The following XPNPEP1 variants were observed in gnomAD, a reference collection of about 807,000 sequenced individuals.
XPNPEP1 encodes X-prolyl aminopeptidase 1.
In XPNPEP1, 39 loss-of-function variants were observed where a neutral mutation model predicts 92.4. The observed-to-expected ratio is 0.42, with a 90% CI of 0.33 to 0.55. XPNPEP1 has a LOEUF of 0.55. XPNPEP1 is among the 20% of genes least tolerant of loss of function. XPNPEP1 has a pLI of 0.08. For synonymous variants in XPNPEP1, 307 were observed against 299.4 expected (o/e 1.03, Z -0.26); for missense variants, 654 against 856.1 (o/e 0.76, Z 2.95).
At chr10:109,918,375 C>T (rs1452777952) in intron 1 of XPNPEP1, among the ~76,000 whole-genome samples, 6 of 152,016 alleles carry the variant, frequency 3.9e-5, no homozygotes, top group Non-Finnish European at 8.8e-5. Context: ...GAGCTGTGAT[C>T]GCCCCACTGC....
intron 19 of XPNPEP1, among the ~76,000 whole-genome samples, chr10:109,869,598 G>A (rs902054778): frequency 5.9e-5 from 9 of 152,180 alleles, no homozygotes; most frequent in African/African-American, 2.2e-4. Context: ...CCTAGCAGAA[G>A]AGACAACAGG....
chr10:109,918,934 A>G (rs182234737), intron 1 of XPNPEP1, among the ~76,000 whole-genome samples: 102 of 151,964 alleles, frequency 6.7e-4, no homozygotes, highest in East Asian at 5.0e-3. Flanking sequence ...GAAAAAAGAA[A>G]AAGAACGAAA....
chr10:109,917,021 T>G (rs1850230289), intron 1 of XPNPEP1, among the ~76,000 whole-genome samples: 1 of 150,740 alleles, frequency 6.6e-6, no homozygotes, highest in South Asian at 2.1e-4. Context: ...TTCTTAATGC[T>G]GAAAGACTGA....
chr10:109,871,685 TG>T, intron 17 of XPNPEP1, 106 bp downstream of exon 17: 1 of 1,300,852 alleles, frequency 7.7e-7, no homozygotes, highest in Non-Finnish European at 1.1e-6. Flanking sequence ...TGAAGTGGGA[TG>T]GGGACCTCAC....
At chr10:109,869,059 T>C (rs1019056272) in intron 19 of XPNPEP1, among the ~76,000 whole-genome samples, 9 of 152,182 alleles carry the variant, frequency 5.9e-5, no homozygotes, top group African/African-American at 2.2e-4. Flanking sequence ...TTCTCCAGGA[T>C]GCAGGGGTGT....
At chr10:109,888,420 C>T in intron 6 of XPNPEP1, 83 bp downstream of exon 6, 1 of 1,403,480 alleles carries the variant, frequency 7.1e-7, no homozygotes, top group South Asian at 1.3e-5. Context: ...CAGTGCTCCA[C>T]ACCCCACAAG....
intron 10 of XPNPEP1, among the ~76,000 whole-genome samples, chr10:109,881,522 A>AAAAT (rs1219150888): frequency 1.3e-5 from 2 of 152,202 alleles, no homozygotes; most frequent in Non-Finnish European, 2.9e-5. Flanking sequence ...TGCTTTTGTG[A>AAAAT]TCTTATCTCC....
Position 109,891,715 on chromosome 10 carries a change from T to C in XPNPEP1, c.415+7A>G, listed in dbSNP as rs201098355. On this transcript the variant is annotated splice_region_variant and intron_variant, in intron 5 of 20. Coordinates refer to ENST00000502935, the MANE Select transcript of XPNPEP1 (RefSeq NM_020383.4). ...ACTAAGTTTGGGCTAGCCATGCCTG[T>C]ACCCACCCATCTTCATAAGTGTCCA... is the stretch of plus-strand genomic sequence containing the variant. 10 of 1,565,548 alleles carry C rather than the reference T, an allele frequency of 6.4e-6. No individual in the cohort carries two copies. Among genetic ancestry groups the C allele is most frequent in the South Asian group, 1.2e-5 (1 of 81,616 alleles).
chr10:109,878,636 C>T (rs1847910517), intron 12 of XPNPEP1, among the ~76,000 whole-genome samples: 1 of 152,114 alleles, frequency 6.6e-6, no homozygotes, highest in Admixed American at 6.5e-5. Flanking sequence ...ACCTATAATC[C>T]TAGCACTTTG....
Position 109,865,079 on chromosome 10 carries a change from G to A in XPNPEP1, c.*105C>T. The A allele has an allele frequency of 1.3e-6, 2 of 1,497,046 alleles. No homozygotes were observed. The highest frequency in any genetic ancestry group is 1.8e-5 in the Admixed American group (1 of 55,258). 92.7% of individuals were successfully genotyped at this position (1,497,046 alleles called of 1,614,324 possible). A position where few individuals can be genotyped will look rare whatever the true frequency, so the allele number is the denominator to read the frequency against. ...TCTTCTTAAAGTCTAAAGTAAAAAG[G>A]GGAGGTAGGGAAGAAGGAAAGGAAA... On this transcript the variant is annotated 3_prime_UTR_variant, in exon 21 of 21. Coordinates refer to ENST00000502935, the MANE Select transcript of XPNPEP1 (RefSeq NM_020383.4).
intron 14 of XPNPEP1, chr10:109,876,073 C>G (rs1323525611): frequency 6.5e-6 from 1 of 153,486 alleles, no homozygotes; most frequent in Non-Finnish European, 1.5e-5. Context: ...GGTACCTCCC[C>G]ACTCGCTCCC....
chr10:109,923,029 G>C (rs1293984459), intron 1 of XPNPEP1, among the ~76,000 whole-genome samples: 1 of 152,168 alleles, frequency 6.6e-6, no homozygotes, highest in African/African-American at 2.4e-5. Context: ...GAGGGCAAAG[G>C]CTCGCCCACC....
intron 5 of XPNPEP1, chr10:109,891,156 A>G (rs1421832548): frequency 6.6e-6 from 1 of 152,302 alleles, no homozygotes; most frequent in Admixed American, 6.5e-5. Context: ...TCCACATAGT[A>G]ATGCTTTAAT....
At chr10:109,920,341 T>C (rs1850471613) in intron 1 of XPNPEP1, among the ~76,000 whole-genome samples, 1 of 152,244 alleles carries the variant, frequency 6.6e-6, no homozygotes, top group Admixed American at 6.5e-5. Flanking sequence ...ACTTGAATTG[T>C]ACATTTTAAC....
chr10:109,916,934 G>C (rs1850225472), intron 1 of XPNPEP1, among the ~76,000 whole-genome samples: 2 of 152,290 alleles, frequency 1.3e-5, no homozygotes, highest in South Asian at 4.1e-4. Context: ...GCCCCTTCAA[G>C]TTAAAAGTAC....
At chr10:109,875,295 C>T (rs905731760) in intron 15 of XPNPEP1, among the ~76,000 whole-genome samples, 1 of 152,218 alleles carries the variant, frequency 6.6e-6, no homozygotes, top group Non-Finnish European at 1.5e-5. Context: ...ATTTTTAAAA[C>T]TTCCAGCCAA....
Position 109,865,204 on chromosome 10 carries a change from G to C in XPNPEP1, c.1981C>G (p.Pro661Ala). 1 of 1,614,164 alleles carries C rather than the reference G, an allele frequency of 6.2e-7. No homozygotes were observed. Among genetic ancestry groups the C allele is most frequent in the South Asian group, 1.1e-5 (1 of 91,076 alleles). The change falls in exon 21 of 21, where the codon CCC becomes GCC. Residue 661 changes from proline to alanine, a missense_variant. Pro to Ala is a conservative substitution (Grantham distance 27). Coordinates refer to ENST00000502935, the MANE Select transcript of XPNPEP1 (RefSeq NM_020383.4). The part of the protein sequence containing the change: ...ALEWLIRETQ[P>A]ISKQH ...ATTTATTAATGCTGTTTGGAGATGG[G>C]TTGCGTCTCTCTGATGAGCCACTCG... is the stretch of plus-strand genomic sequence containing the variant.
At chr10:109,896,240 T>C (rs1161137587) in intron 3 of XPNPEP1, among the ~76,000 whole-genome samples, 1 of 152,004 alleles carries the variant, frequency 6.6e-6, no homozygotes, top group Non-Finnish European at 1.5e-5. Context: ...CTTTTAAGTC[T>C]CTGTATAGCA....
In XPNPEP1 at chr10:109,892,949, G is replaced by A. The variant is rs927054864; in HGVS notation, c.310+63C>T. Reference sequence around the variant, plus strand: ...CTTCTATATCACAGGCTGAAACTCGGTTCAGTTATTTTTAGGAGGCGAACA... The same window carrying A: ...CTTCTATATCACAGGCTGAAACTCGATTCAGTTATTTTTAGGAGGCGAACA... On this transcript the variant is annotated intron_variant, in intron 4 of 20. Coordinates refer to ENST00000502935, the MANE Select transcript of XPNPEP1 (RefSeq NM_020383.4). 8 of 1,535,234 alleles carry A rather than the reference G, an allele frequency of 5.2e-6. No homozygotes were observed. In the African/African-American group the frequency reaches 9.6e-5, roughly 18 times the overall value.
Sources: allele counts gnomAD v4.1 joint callset (sites outside exome capture counted in the v4.1 genomes callset), GRCh38; gene constraint gnomAD v4.1.1; transcripts MANE v1.5; gene names NCBI Gene and HGNC (gene_info 2026-07-23, HGNC 2026-07-21).